Variants in DAAM1 observed in about 807,000 individuals in gnomAD.
DAAM1 encodes the protein dishevelled associated activator of morphogenesis 1.
DAAM1 carries 52 observed loss-of-function variants against 130.0 expected under a neutral mutation model. That is an observed-to-expected ratio of 0.40 (90% CI 0.32 to 0.50). DAAM1 has a LOEUF of 0.50. Among genes scored for constraint, DAAM1 ranks in the 20% least tolerant of loss-of-function variants. The pLI is 0.61. For missense variants in DAAM1, 1,134 were observed against 1,303.8 expected, an observed-to-expected ratio of 0.87 and a Z score of 2.01; for synonymous variants, 452 against 444.5, an observed-to-expected ratio of 1.02 and a Z score of -0.21.
chr14:59,200,897 C>T (rs1054904059), intron 1 of DAAM1, among the ~76,000 whole-genome samples: 4 of 152,068 alleles, frequency 2.6e-5, no homozygotes, highest in Admixed American at 6.6e-5. Context: ...TGCGGTGGCT[C>T]GCTCCTGTAG....
chr14:59,368,289 T>C (rs532083028), intron 24 of DAAM1, among the ~76,000 whole-genome samples: 20 of 152,204 alleles, frequency 1.3e-4, no homozygotes, highest in African/African-American at 1.9e-4. Flanking sequence ...AATGGCCTGA[T>C]GACCATTTGC....
intron 24 of DAAM1, 40 bp from the exon 25 acceptor site, chr14:59,368,610 T>C (rs1286109711): frequency 1.3e-6 from 2 of 1,582,658 alleles, no homozygotes; most frequent in Non-Finnish European, 1.7e-6. Flanking sequence ...AATGCAACAT[T>C]TTGACATGTC....
At position 59,367,594 on chromosome 14, in the gene DAAM1, G is replaced by A. The variant is rs1258720583; in HGVS notation, c.2992G>A (p.Ala998Thr). ...AGAAGAACGTCGAGCTCGCATGGAA[G>A]CTCAGGTGAGAGGATGATTAATTGA... ...EEEERRARMEAQLKEQRERER... is the reference protein window; with the variant it reads ...EEEERRARMETQLKEQRERER... Residue 998 changes from alanine to threonine, a missense_variant, in exon 24 of 25, where the codon GCT becomes ACT. Transcript: ENST00000360909. The A allele has an allele frequency of 1.2e-6, 2 of 1,612,562 alleles. No individual in the cohort carries two copies. The highest frequency in any genetic ancestry group is 2.2e-5 in the East Asian group (1 of 44,812).
intron 1 of DAAM1, among the ~76,000 whole-genome samples, chr14:59,239,524 C>G (rs1371780003): frequency 2.6e-5 from 4 of 152,196 alleles, no homozygotes; most frequent in Non-Finnish European, 4.4e-5. Context: ...CCTGCCCCAA[C>G]TAGCTTGATT....
intron 2 of DAAM1, among the ~76,000 whole-genome samples, chr14:59,272,894 C>A (rs1882790475): frequency 6.6e-6 from 1 of 152,096 alleles, no homozygotes; most frequent in Non-Finnish European, 1.5e-5. Flanking sequence ...AGAAGATGAT[C>A]TCACATCCAG....
chr14:59,313,090 A>AG (rs1455007819), intron 3 of DAAM1, among the ~76,000 whole-genome samples: 2 of 152,244 alleles, frequency 1.3e-5, no homozygotes, highest in African/African-American at 4.8e-5. Flanking sequence ...TCCTCCTGCC[A>AG]GAGAACAATT....
At chr14:59,218,947 T>C (rs2139423934) in intron 1 of DAAM1, among the ~76,000 whole-genome samples, 1 of 152,344 alleles carries the variant, frequency 6.6e-6, no homozygotes, top group African/African-American at 2.4e-5. Flanking sequence ...GCTGGGACTG[T>C]ATTACAAGCC....
At chr14:59,300,652 AT>A (rs1021670262) in intron 3 of DAAM1, among the ~76,000 whole-genome samples, 1 of 152,090 alleles carries the variant, frequency 6.6e-6, no homozygotes, top group Non-Finnish European at 1.5e-5. Flanking sequence ...TTCACCTCAG[AT>A]TTTTTTTAAA....
chr14:59,364,918 T>G (rs1467545240), intron 23 of DAAM1, among the ~76,000 whole-genome samples: 1 of 149,898 alleles, frequency 6.7e-6, no homozygotes. Flanking sequence ...ACCTCCACTG[T>G]GAAAGCCCCC....
chr14:59,219,356 T>C (rs1359103294), intron 1 of DAAM1, among the ~76,000 whole-genome samples: 3 of 152,190 alleles, frequency 2.0e-5, no homozygotes, highest in African/African-American at 7.2e-5. Context: ...TACTCTATGA[T>C]GATTAGCCAG....
intron 1 of DAAM1, among the ~76,000 whole-genome samples, chr14:59,231,951 G>A (rs1020636860): frequency 2.0e-5 from 3 of 152,184 alleles, no homozygotes; most frequent in Non-Finnish European, 2.9e-5. Context: ...ATGTGAAGTG[G>A]TGGGCACATT....
intron 1 of DAAM1, among the ~76,000 whole-genome samples, chr14:59,196,977 G>C (rs1366784683): frequency 6.6e-6 from 1 of 152,026 alleles, no homozygotes; most frequent in African/African-American, 2.4e-5. Flanking sequence ...CTGGAGTGCA[G>C]TGGCGCGATC....
chr14:59,324,257 T>C lies in DAAM1; in HGVS notation c.885+19T>C, dbSNP rs762852258. The C allele has an allele frequency of 3.6e-6, 5 of 1,398,846 alleles. No individual in the cohort carries two copies. Among genetic ancestry groups the C allele is most frequent in the Non-Finnish European group, 4.7e-6 (5 of 1,066,094 alleles). 86.7% of individuals were successfully genotyped at this position (1,398,846 alleles called of 1,614,324 possible). A position where few individuals can be genotyped will look rare whatever the true frequency, so the allele number is the denominator to read the frequency against. On this transcript the variant is annotated intron_variant, in intron 7 of 24. Transcript: ENST00000360909. ...AGGAGTGGTAAGAACCTTCTACAAA[T>C]TAAAAATATATTAGTAAATAATAAT...
chr14:59,353,004 A>G (rs78639516), intron 18 of DAAM1, among the ~76,000 whole-genome samples: 1 of 151,722 alleles, frequency 6.6e-6, no homozygotes, highest in African/African-American at 2.4e-5. Flanking sequence ...AAAAAAAAAA[A>G]AGAAAAAAAA....
At chr14:59,298,697 TGTTAG>T (rs552936851) in intron 3 of DAAM1, among the ~76,000 whole-genome samples, 21 of 152,242 alleles carry the variant, frequency 1.4e-4, no homozygotes, top group South Asian at 8.3e-4. Context: ...GTCAAATCAA[TGTTAG>T]GTTATAGTCT....
At chr14:59,232,665 T>C (rs1889149285) in intron 1 of DAAM1, among the ~76,000 whole-genome samples, 1 of 151,518 alleles carries the variant, frequency 6.6e-6, no homozygotes, top group Admixed American at 6.6e-5. Flanking sequence ...CTGGGATACA[T>C]GTGCAGAATG....
At chr14:59,219,979 G>C (rs1888718570) in intron 1 of DAAM1, among the ~76,000 whole-genome samples, 1 of 152,118 alleles carries the variant, frequency 6.6e-6, no homozygotes, top group Non-Finnish European at 1.5e-5. Flanking sequence ...TTCAAGAGTG[G>C]TTCCTGCTAT....
chr14:59,296,257 C>G (rs1033232189), intron 3 of DAAM1, among the ~76,000 whole-genome samples: 2 of 152,080 alleles, frequency 1.3e-5, no homozygotes, highest in Admixed American at 1.3e-4. Context: ...CTACATAGTC[C>G]CTGGCATTGA....
At chr14:59,339,636 A>G (rs1424812765) in intron 15 of DAAM1, among the ~76,000 whole-genome samples, 1 of 152,078 alleles carries the variant, frequency 6.6e-6, no homozygotes, top group Non-Finnish European at 1.5e-5. Context: ...AGCTTTTTTG[A>G]GTGCTCACAA....
Sources: gnomAD v4.1 joint callset for allele counts (sites outside exome capture counted in the v4.1 genomes callset) on GRCh38, gnomAD v4.1.1 for gene constraint, MANE v1.5 for transcripts, NCBI Gene and HGNC (gene_info 2026-07-23, HGNC 2026-07-21) for gene names.